The following IARS2 variants were observed in gnomAD, a reference collection of about 807,000 sequenced individuals.
The protein encoded by IARS2 is isoleucyl-tRNA synthetase 2, mitochondrial.
Under a neutral mutation model 126.3 loss-of-function variants are expected in IARS2, and 56 were observed. That is an observed-to-expected ratio of 0.44 (90% CI 0.36 to 0.55). IARS2 has a LOEUF of 0.55. Ranked by LOEUF, IARS2 falls within the 20% of genes least tolerant of loss-of-function variation. The pLI, the probability that IARS2 is intolerant of heterozygous loss-of-function variation, is 0.00. For synonymous variants in IARS2, 407 were observed against 441.1 expected, an observed-to-expected ratio of 0.92 and a Z score of 0.97; for missense variants, 1,127 against 1,245.9, an observed-to-expected ratio of 0.90 and a Z score of 1.44.
Position 220,137,936 on chromosome 1 carries a change from C to T in IARS2, c.2068C>T (p.Pro690Ser). The change falls in exon 17 of 23, where the codon CCG becomes TCG. Residue 690 changes from proline to serine, a missense_variant. Pro to Ser is a moderately conservative substitution (Grantham distance 74, BLOSUM62 -1). Transcript: ENST00000366922. ...TGAAAAGGATCAAAGCAAAGAGCCT[C>T]CGTATGGTGCTGATGTCCTTCGCTG... ...NGGQDQSKEPPYGADVLRWWV... is the reference protein window; with the variant it reads ...NGGQDQSKEPSYGADVLRWWV... 6.2e-7 allele frequency: 1 copy of T among 1,614,108 alleles called. No individual in the cohort carries two copies.
chr1:220,147,211 A>G (rs1657615922), intron 22 of IARS2, among the ~76,000 whole-genome samples: 1 of 152,168 alleles, frequency 6.6e-6, no homozygotes, highest in Non-Finnish European at 1.5e-5. Flanking sequence ...TTTAACAGCT[A>G]GAAAGTCTGC....
intron 15 of IARS2, among the ~76,000 whole-genome samples, chr1:220,136,349 C>G (rs549981600): frequency 6.6e-6 from 1 of 152,288 alleles, no homozygotes; most frequent in African/African-American, 2.4e-5. Context: ...CCAGGCTGGC[C>G]TCGAGCTCCT....
chr1:220,126,276 A>G (rs986796450), intron 13 of IARS2, among the ~76,000 whole-genome samples: 3 of 152,116 alleles, frequency 2.0e-5, no homozygotes, highest in East Asian at 1.9e-4. Flanking sequence ...CTCTGTCTCA[A>G]AAACAAAACA....
chr1:220,126,230 G>A (rs879804191), intron 13 of IARS2, among the ~76,000 whole-genome samples: 5 of 152,092 alleles, frequency 3.3e-5, no homozygotes, highest in Non-Finnish European at 5.9e-5. Context: ...AGCCGAGATC[G>A]CGCCATTGCA....
Position 220,094,140 on chromosome 1 carries a change from C to G in IARS2, c.-77C>G, listed in dbSNP as rs531152347. 7.4e-7 allele frequency: 1 copy of G among 1,360,462 alleles called. No homozygotes were observed. The highest frequency in any genetic ancestry group is 1.5e-5 in the South Asian group (1 of 66,060). The allele number at this position is 1,360,462 out of a possible 1,614,324, so 84.3% of individuals were successfully genotyped here. A position where few individuals can be genotyped will look rare whatever the true frequency, so the allele number is the denominator to read the frequency against. The stretch of plus-strand genomic sequence containing the variant: ...AGCGCGTGCGCCCTCTTACTCGGCT[C>G]CCCTTGGTTTCCTGGGGTCCTGCCC... On this transcript the variant is annotated 5_prime_UTR_variant, in exon 1 of 23. Transcript: ENST00000366922.
chr1:220,130,101 T>C (rs1172797785), intron 14 of IARS2, among the ~76,000 whole-genome samples: 4 of 152,234 alleles, frequency 2.6e-5, no homozygotes, highest in Non-Finnish European at 5.9e-5. Context: ...TGCACTTCCC[T>C]GATGATTAGT....
Position 220,094,258 on chromosome 1 carries a change from C to T in IARS2, c.42C>T (p.Ala14=). 1.2e-6 allele frequency: 2 copies of T among 1,605,824 alleles called. No individual in the cohort carries two copies. Among genetic ancestry groups the T allele is most frequent in the Non-Finnish European group, 1.7e-6 (2 of 1,176,366 alleles). ...GCCCTCGCGGGCCGGGCGCGGCCGC[C>T]CTGGCCACTGCCCGAAGTTTGTGGG... ...GLRPRGPGAA[A]LATARSLWGT... The change falls in exon 1 of 23, where the codon GCC becomes GCT. Residue 14 remains alanine, a synonymous_variant. Transcript: ENST00000366922.
rs374024744 is a variant in IARS2, at chr1:220,111,598, A to ATATATATG, written c.1479+662_1479+663insATATATGT. On this transcript the variant is annotated intron_variant, in intron 11 of 22. Coordinates refer to ENST00000366922, the MANE Select transcript of IARS2 (RefSeq NM_018060.4). ...TGGGTATATATATATATATATATAT[A>ATATATATG]TGTGTGTGTGTGTGTGTGTGTGTGT... Among the ~76,000 whole-genome samples the ATATATATG allele has an allele frequency of 2.0e-3, 270 of 134,844 alleles. 2 individuals carry two copies. Among genetic ancestry groups the ATATATATG allele is most frequent in the Middle Eastern group, 7.5e-3 (2 of 268 alleles). The allele number at this position is 134,844 out of a possible 152,430, so 88.5% of individuals were successfully genotyped here. A position where few individuals can be genotyped will look rare whatever the true frequency, so the allele number is the denominator to read the frequency against.
rs1401440938 is a variant in IARS2, at chr1:220,134,468, C to T, written c.1904C>T (p.Ser635Phe). The T allele has an allele frequency of 1.2e-6, 2 of 1,613,146 alleles. No individual in the cohort carries two copies. The highest frequency in any genetic ancestry group is 3.3e-5 in the Admixed American group (2 of 59,872). The change falls in exon 15 of 23, where the codon TCC (serine) becomes TTC (phenylalanine). Residue 635 changes from serine to phenylalanine, a missense_variant. Ser to Phe is a radical substitution (Grantham distance 155, BLOSUM62 -2). Coordinates refer to ENST00000366922, the MANE Select transcript of IARS2 (RefSeq NM_018060.4). ...CAGCTCGGGGGTTGGTTTCAGTCATCCTTATTAACAAGTGTGGCAGCAAGG... is the reference window on the plus strand; with the variant it reads ...CAGCTCGGGGGTTGGTTTCAGTCATTCTTATTAACAAGTGTGGCAGCAAGG... Reference protein sequence around the residue: ...KDQLGGWFQSSLLTSVAARKR... With the variant: ...KDQLGGWFQSFLLTSVAARKR...
At chr1:220,114,634 A>G (rs1257727163) in intron 12 of IARS2, among the ~76,000 whole-genome samples, 160 bp downstream of exon 12, 1 of 152,254 alleles carries the variant, frequency 6.6e-6, no homozygotes, top group African/African-American at 2.4e-5. Context: ...AAACAATTCT[A>G]TCATACAGTT....
chr1:220,100,563 G>A lies in IARS2; in HGVS notation c.464G>A (p.Cys155Tyr). ...ATACATTTTGTGCCCGGCTGGGATTGTCATGGGTTGCCCATTGAAATAAAA... is the reference window on the plus strand; with the variant it reads ...ATACATTTTGTGCCCGGCTGGGATTATCATGGGTTGCCCATTGAAATAAAA... ...SKIHFVPGWD[C>Y]HGLPIEIKVL... The change falls in exon 3 of 23, where the codon TGT becomes TAT. Residue 155 changes from cysteine (C) to tyrosine (Y), a missense_variant. Physicochemically the swap from Cys to Tyr is radical, Grantham distance 194. Coordinates refer to ENST00000366922, the MANE Select transcript of IARS2 (RefSeq NM_018060.4). 1 of 1,613,454 alleles carries A rather than the reference G, an allele frequency of 6.2e-7. No homozygotes were observed. The highest frequency in any genetic ancestry group is 1.1e-5 in the South Asian group (1 of 91,016).
chr1:220,123,796 A>G (rs1279982909), intron 12 of IARS2, among the ~76,000 whole-genome samples: 2 of 152,152 alleles, frequency 1.3e-5, no homozygotes, highest in Non-Finnish European at 2.9e-5. Flanking sequence ...TATTTAATTT[A>G]TACTCATTTG....
At chr1:220,143,583 C>T (rs750190762) in intron 21 of IARS2, among the ~76,000 whole-genome samples, 42 of 152,088 alleles carry the variant, frequency 2.8e-4, no homozygotes, top group Middle Eastern at 3.2e-3. Flanking sequence ...ATAAATTGAT[C>T]GCGATCGTCT....
rs746730753 is a variant in IARS2 at position 220,147,613 on chromosome 1, C to T, written c.3017C>T (p.Ala1006Val). Residue 1006 changes from alanine (A) to valine (V), a missense_variant, in exon 23 of 23, where the codon GCA becomes GTA. Physicochemically the swap from Ala to Val is moderately conservative, Grantham distance 64 (BLOSUM62 0). Coordinates refer to ENST00000366922, the MANE Select transcript of IARS2 (RefSeq NM_018060.4). ...TCAGATACACTGTGTCCTCGATGTG[C>T]AGAAGTTGTCAGTGGAAAATAGTAT... Reference protein sequence around the residue: ...ESSDTLCPRCAEVVSGK With the variant: ...ESSDTLCPRCVEVVSGK 3 of 1,613,944 alleles carry T rather than the reference C, an allele frequency of 1.9e-6. No homozygotes were observed. Among genetic ancestry groups the T allele is most frequent in the Admixed American group, 3.3e-5 (2 of 60,002 alleles).
At chr1:220,140,702 G>A (rs1571864417) in intron 19 of IARS2, among the ~76,000 whole-genome samples, 1 of 149,142 alleles carries the variant, frequency 6.7e-6, no homozygotes, top group Non-Finnish European at 1.5e-5. Context: ...ATTGGGTTCC[G>A]GGCCAGGCGT....
chr1:220,108,280 T>A (rs1345259558), intron 10 of IARS2, among the ~76,000 whole-genome samples: 1 of 152,128 alleles, frequency 6.6e-6, no homozygotes, highest in African/African-American at 2.4e-5. Flanking sequence ...CAGGCTGGTC[T>A]TGAACTCCTG....
rs565954762 is a variant in IARS2 at position 220,138,144 on chromosome 1, A to C, written c.2175+101A>C. 3.0e-5 allele frequency: 39 copies of C among 1,288,724 alleles called. No individual in the cohort carries two copies. The Admixed American group carries it at 6.1e-4, about 20-fold the overall frequency. The allele number at this position is 1,288,724 out of a possible 1,614,324, so 79.8% of individuals were successfully genotyped here. ...GTTTGGAACTGAAAAAAACTGAATG[A>C]AAACGAGTTCTTCATTTATTGTGAG... On this transcript the variant is annotated intron_variant, in intron 17 of 22. Coordinates refer to ENST00000366922, the MANE Select transcript of IARS2 (RefSeq NM_018060.4).
chr1:220,144,622 C>G (rs1327495650), intron 21 of IARS2, among the ~76,000 whole-genome samples: 1 of 152,128 alleles, frequency 6.6e-6, no homozygotes, highest in Non-Finnish European at 1.5e-5. Context: ...GTAACACAGC[C>G]TAGTCCTGGC....
intron 3 of IARS2, 62 bp downstream of exon 3, chr1:220,100,711 T>C (rs1656553902): frequency 1.5e-6 from 2 of 1,333,398 alleles, no homozygotes; most frequent in East Asian, 4.9e-5. Context: ...CTTGAAATAG[T>C]CAGAACTTTA....
Sources: gnomAD v4.1 joint callset for allele counts (sites outside exome capture counted in the v4.1 genomes callset) on GRCh38, gnomAD v4.1.1 for gene constraint, MANE v1.5 for transcripts, NCBI Gene and HGNC (gene_info 2026-07-23, HGNC 2026-07-21) for gene names.